Variants in GAS2L1 observed in about 807,000 individuals in gnomAD.
GAS2L1 encodes the protein growth arrest specific 2 like 1.
GAS2L1 carries 26 observed loss-of-function variants against 44.0 expected under a neutral mutation model. The observed-to-expected ratio is 0.59, with a 90% CI of 0.43 to 0.82. The LOEUF is 0.82. Ranked by LOEUF, GAS2L1 falls within the 40% of genes least tolerant of loss-of-function variation. The pLI, the probability that GAS2L1 is intolerant of heterozygous loss-of-function variation, is 0.00. For missense variants in GAS2L1, 1,006 were observed against 983.0 expected (o/e 1.02, Z -0.31); for synonymous variants, 426 against 415.9 (o/e 1.02, Z -0.30).
exon 1 of GAS2L1, chr22:29,307,066 G>A (rs1260138629): frequency 2.6e-5 from 4 of 152,064 alleles, no homozygotes; most frequent in African/African-American, 7.2e-5. Flanking sequence ...GCATAGAGCT[G>A]CGGCTCGGGC....
Position 29,310,629 on chromosome 22 carries a change from C to T in GAS2L1, c.742-9C>T. On this transcript the variant is annotated splice_polypyrimidine_tract_variant and intron_variant, in intron 2 of 4. Coordinates refer to ENST00000618518, the Ensembl canonical transcript of GAS2L1. ...CCGGGGCACAGCCGTGACCTGCCCA[C>T]ACCTGCAGGTGCTGAGGAGCCACGT... The T allele has an allele frequency of 1.9e-6, 3 of 1,603,356 alleles. No homozygotes were observed. The highest frequency in any genetic ancestry group is 2.6e-6 in the Non-Finnish European group (3 of 1,172,194).
Position 29,311,807 on chromosome 22 carries a change from C to G in GAS2L1, c.1356C>G (p.Asp452Glu), listed in dbSNP as rs1483648406. The G allele has an allele frequency of 2.5e-6, 4 of 1,585,160 alleles. No individual in the cohort carries two copies. In the East Asian group the frequency reaches 9.0e-5, roughly 36 times the overall value. Residue 452 changes from aspartate to glutamate, a missense_variant, in exon 5 of 5, where the codon GAC becomes GAG. Asp to Glu is a conservative substitution (Grantham distance 45). Transcript: ENST00000618518. ...TGCTGCTTGTGCGCAGGGATCGAGACGGGCAGCACTCATGGGTGCCAAGGG... is the reference window on the plus strand; with the variant it reads ...TGCTGCTTGTGCGCAGGGATCGAGAGGGGCAGCACTCATGGGTGCCAAGGG...
At chr22:29,308,208 G>A (rs1304545813) in exon 1 of GAS2L1, 3 of 1,608,456 alleles carry the variant, frequency 1.9e-6, no homozygotes, top group Non-Finnish European at 1.7e-6. Context: ...GGACCTGGCC[G>A]AGTGGCTCAA....
rs777567185 is a variant in GAS2L1, at chr22:29,312,335, G to A, written c.1884G>A (p.Ser628=). ...GCCCCCTGGCTTGCACTGAACCCTC[G>A]AGGACCTGGGCACGGGGTCGGATGG... is the stretch of plus-strand genomic sequence containing the variant. Residue 628 remains serine, a synonymous_variant, in exon 5 of 5, where the codon TCG becomes TCA. Coordinates refer to ENST00000618518, the Ensembl canonical transcript of GAS2L1. The A allele has an allele frequency of 5.0e-6, 8 of 1,605,176 alleles. No individual in the cohort carries two copies. The African/African-American group carries it at 5.3e-5, about 11-fold the overall frequency.
At chr22:29,311,641 G>A (rs1172905264) in exon 5 of GAS2L1, 2 of 1,535,174 alleles carry the variant, frequency 1.3e-6, no homozygotes. Context: ...TCTCCGAGAC[G>A]GCCTCCTGCC....
chr22:29,308,564 G>C, exon 1 of GAS2L1: 1 of 1,599,100 alleles, frequency 6.3e-7, no homozygotes, highest in Non-Finnish European at 8.5e-7. Context: ...TGGGCCTGCT[G>C]GCCCCACGCC....
intron 4 of GAS2L1, 160 bp from the exon 6 acceptor site, chr22:29,311,302 G>T (rs936923311): frequency 1.5e-5 from 9 of 585,718 alleles, no homozygotes; most frequent in Non-Finnish European, 2.7e-5. Context: ...CTGGGCCGCT[G>T]GAGGAAGCTG....
exon 5 of GAS2L1, chr22:29,312,243 C>G: frequency 6.2e-7 from 1 of 1,612,914 alleles, no homozygotes; most frequent in Non-Finnish European, 8.5e-7. Flanking sequence ...AAGCCAAGCC[C>G]TTTCCAGCTC....
exon 1 of GAS2L1, chr22:29,308,031 G>A (rs2061365337): frequency 8.5e-6 from 11 of 1,290,550 alleles, no homozygotes; most frequent in Non-Finnish European, 1.1e-5. Flanking sequence ...AGCTTAATTT[G>A]TACTGAGCGC....
exon 1 of GAS2L1, chr22:29,307,740 C>G (rs913365987): frequency 7.9e-5 from 14 of 176,698 alleles, no homozygotes; most frequent in African/African-American, 1.9e-4. Flanking sequence ...GGGGCCTTAG[C>G]CGTTGTCTTC....
chr22:29,310,521 A>T, exon 2 of GAS2L1: 1 of 1,609,190 alleles, frequency 6.2e-7, no homozygotes, highest in Non-Finnish European at 8.5e-7. Flanking sequence ...CGTGTGGGGG[A>T]CTCGAGCCTG....
exon 1 of GAS2L1, chr22:29,308,647 G>T (rs770067614): frequency 3.8e-6 from 6 of 1,569,436 alleles, no homozygotes; most frequent in South Asian, 1.2e-5. Context: ...CCTGCCGCTG[G>T]GGAGGACACC....
chr22:29,310,846 G>C (rs539403505), exon 4 of GAS2L1: 18 of 1,611,134 alleles, frequency 1.1e-5, no homozygotes, highest in Non-Finnish European at 1.5e-5. Flanking sequence ...CACCCCAGCC[G>C]AGGGTCTGCA....
At chr22:29,309,830 C>T (rs1337268843) in intron 1 of GAS2L1, among the ~76,000 whole-genome samples, 7 of 152,316 alleles carry the variant, frequency 4.6e-5, no homozygotes, top group Non-Finnish European at 8.8e-5. Flanking sequence ...GGAGTGAGGA[C>T]GGGCTCTGGG....
exon 5 of GAS2L1, chr22:29,312,414 C>T: frequency 3.8e-6 from 6 of 1,561,668 alleles, no homozygotes; most frequent in South Asian, 1.2e-5. Context: ...GGGCCCCCGC[C>T]GCCCCTCCGG....
chr22:29,308,642 C>T (rs746371311), exon 1 of GAS2L1: 71 of 1,574,168 alleles, frequency 4.5e-5, no homozygotes, highest in Non-Finnish European at 5.8e-5. Context: ...ACGCCCCTGC[C>T]GCTGGGGAGG....
exon 5 of GAS2L1, chr22:29,312,048 G>A (rs1440660819): frequency 6.2e-7 from 1 of 1,612,620 alleles, no homozygotes; most frequent in African/African-American, 1.3e-5. Context: ...CCGGGCCCTT[G>A]AGGCTGTTGC....
chr22:29,308,669 C>T, exon 1 of GAS2L1: 5 of 1,529,480 alleles, frequency 3.3e-6, no homozygotes, highest in South Asian at 1.2e-5. Flanking sequence ...CTGAAACCGC[C>T]CCCGCACCAG....
exon 1 of GAS2L1, chr22:29,307,809 C>A (rs1569138036): frequency 1.5e-5 from 4 of 273,136 alleles, no homozygotes; most frequent in Non-Finnish European, 2.7e-5. Flanking sequence ...GAGGGAGGCC[C>A]CAGCCAAGCC....
Sources: gnomAD v4.1 joint callset for allele counts (sites outside exome capture counted in the v4.1 genomes callset) on GRCh38, gnomAD v4.1.1 for gene constraint, MANE v1.5 for transcripts, NCBI Gene and HGNC (gene_info 2026-07-23, HGNC 2026-07-21) for gene names.